DUS2: variants seen among roughly 807,000 people sequenced by gnomAD.
DUS2 encodes tRNA-dihydrouridine(20) synthase [NAD(P)+]-like.
Under a neutral mutation model 71.3 loss-of-function variants are expected in DUS2, and 52 were observed. The observed-to-expected ratio is 0.73, with a 90% CI of 0.58 to 0.92. The LOEUF (loss-of-function observed/expected upper bound fraction) is 0.92, where lower values mean the gene tolerates loss of function less well. DUS2 is among the 40% of genes least tolerant of loss of function. The pLI is 0.00. For synonymous variants in DUS2, 204 were observed against 227.8 expected, an observed-to-expected ratio of 0.90 and a Z score of 0.94; for missense variants, 558 against 622.6, an observed-to-expected ratio of 0.90 and a Z score of 1.10.
At chr16:68,033,264 A>G (rs935229403) in intron 2 of DUS2, among the ~76,000 whole-genome samples, 3 of 152,088 alleles carry the variant, frequency 2.0e-5, no homozygotes, top group Non-Finnish European at 4.4e-5. Flanking sequence ...CATGTAGTAA[A>G]GCATGTGGGT....
intron 2 of DUS2, among the ~76,000 whole-genome samples, chr16:68,030,903 A>G (rs1001713495): frequency 1.3e-5 from 2 of 151,792 alleles, no homozygotes; most frequent in Non-Finnish European, 2.9e-5. Context: ...CTGGCTAGTT[A>G]AAAAATATAT....
chr16:68,057,235 C>T (rs1278327463), intron 7 of DUS2, among the ~76,000 whole-genome samples: 1 of 142,214 alleles, frequency 7.0e-6, no homozygotes, highest in Non-Finnish European at 1.5e-5. Flanking sequence ...TGTATAGATA[C>T]ATATATATAT....
At chr16:68,038,279 G>A in intron 3 of DUS2, 130 bp downstream of exon 3, 1 of 1,315,494 alleles carries the variant, frequency 7.6e-7, no homozygotes, top group Non-Finnish European at 1.0e-6. Context: ...CCAAAGGCTG[G>A]AGGAGACAAA....
intron 7 of DUS2, among the ~76,000 whole-genome samples, chr16:68,056,743 A>G (rs1351462718): frequency 1.3e-5 from 2 of 150,274 alleles, no homozygotes; most frequent in African/African-American, 4.9e-5. Flanking sequence ...AGTGGTTTAT[A>G]CATATACACA....
At chr16:68,025,993 G>T (rs952303108) in intron 2 of DUS2, among the ~76,000 whole-genome samples, 7 of 152,106 alleles carry the variant, frequency 4.6e-5, no homozygotes, top group African/African-American at 1.7e-4. Flanking sequence ...TGATTTAATT[G>T]ATTTGGGTTA....
intron 3 of DUS2, among the ~76,000 whole-genome samples, chr16:68,042,139 A>G (rs1186809467): frequency 2.0e-5 from 3 of 152,158 alleles, no homozygotes; most frequent in Non-Finnish European, 4.4e-5. Context: ...TGACTGGCTT[A>G]TTTCCCTTAG....
rs1440490231 is a variant in DUS2, at chr16:68,056,426, T to C, written c.369+2T>C. On this transcript the variant is annotated splice_donor_variant, in intron 7 of 16. Coordinates refer to ENST00000565263, the MANE Select transcript of DUS2 (RefSeq NM_017803.5). LOFTEE classifies it high-confidence loss of function. ...TGTCCAAAACAATATTCCACCAAGG[T>C]AAACTGGTTTCTTTATACTCCTCAT... 5.0e-6 allele frequency: 8 copies of C among 1,612,334 alleles called. No individual in the cohort carries two copies. The highest frequency in any genetic ancestry group is 6.8e-6 in the Non-Finnish European group (8 of 1,178,764).
At chr16:68,053,422 T>C in intron 4 of DUS2, 142 bp from the exon 5 acceptor site, 3 of 714,912 alleles carry the variant, frequency 4.2e-6, no homozygotes, top group Non-Finnish European at 7.1e-6. Context: ...ATGTGCATAG[T>C]TATTTTTGGT....
chr16:68,034,423 G>C (rs1354934857), intron 2 of DUS2, among the ~76,000 whole-genome samples: 1 of 152,054 alleles, frequency 6.6e-6, no homozygotes, highest in Non-Finnish European at 1.5e-5. Flanking sequence ...TTGCTATGTT[G>C]GTCAGGCTGG....
At chr16:68,058,423 T>C (rs1220341138) in intron 7 of DUS2, among the ~76,000 whole-genome samples, 1 of 152,070 alleles carries the variant, frequency 6.6e-6, no homozygotes, top group African/African-American at 2.4e-5. Flanking sequence ...AGACGGGGTT[T>C]TGCCATGTTA....
intron 3 of DUS2, 76 bp downstream of exon 3, chr16:68,038,225 G>A: frequency 6.3e-7 from 1 of 1,578,004 alleles, no homozygotes; most frequent in Admixed American, 1.9e-5. Flanking sequence ...GGAGTGGTCA[G>A]GAGTTAGTGG....
intron 6 of DUS2, among the ~76,000 whole-genome samples, chr16:68,055,428 TG>T (rs1296885756): frequency 6.6e-6 from 1 of 152,084 alleles, no homozygotes; most frequent in African/African-American, 2.4e-5. Flanking sequence ...GACTCCAGCC[TG>T]GGGAACACAG....
At chr16:68,048,303 G>A (rs908053500) in intron 3 of DUS2, among the ~76,000 whole-genome samples, 3 of 152,148 alleles carry the variant, frequency 2.0e-5, no homozygotes, top group African/African-American at 7.2e-5. Flanking sequence ...CCAAAGCTCA[G>A]TTTGGCTACT....
intron 12 of DUS2, among the ~76,000 whole-genome samples, 160 bp downstream of exon 12, chr16:68,071,268 C>G (rs2301814): frequency 0.22 from 33,740 of 152,140 alleles, 4,115 homozygotes; most frequent in African/African-American, 0.31. Flanking sequence ...CTGCTTTATT[C>G]GGTCTCCCCA....
chr16:68,070,655 G>T (rs1219224522), intron 11 of DUS2, among the ~76,000 whole-genome samples: 1 of 152,238 alleles, frequency 6.6e-6, no homozygotes, highest in Admixed American at 6.5e-5. Flanking sequence ...CATGTCTCCA[G>T]ATGTGGGCTG....
rs763107049 is a variant in DUS2, at chr16:68,078,705, G to A, written c.1245-44G>A. The A allele has an allele frequency of 4.5e-6, 7 of 1,572,208 alleles. No homozygotes were observed. The East Asian group carries it at 1.4e-4, about 30-fold the overall frequency. ...AGGATGTGTAGAGTCAGGCCTCATA[G>A]CCCTGCACCCTGCCCCTCACCTTAT... On this transcript the variant is annotated intron_variant, in intron 16 of 16. Coordinates refer to ENST00000565263, the MANE Select transcript of DUS2 (RefSeq NM_017803.5).
At chr16:68,076,548 C>T (rs941989757) in intron 14 of DUS2, 84 bp from the exon 15 acceptor site, 1 of 1,029,778 alleles carries the variant, frequency 9.7e-7, no homozygotes, top group Non-Finnish European at 1.5e-6. Context: ...TTCTGCAGCT[C>T]CTTTCAGGAG....
intron 3 of DUS2, among the ~76,000 whole-genome samples, chr16:68,043,269 G>A (rs2033657651): frequency 6.6e-6 from 1 of 152,156 alleles, no homozygotes; most frequent in Non-Finnish European, 1.5e-5. Flanking sequence ...AGCCGGGTGT[G>A]GTGGTGCCCA....
intron 3 of DUS2, among the ~76,000 whole-genome samples, chr16:68,038,514 G>A (rs1396300634): frequency 6.6e-6 from 1 of 152,058 alleles, no homozygotes; most frequent in Non-Finnish European, 1.5e-5. Flanking sequence ...CAGATCACCT[G>A]AGGTCAGGAG....
Sources: gnomAD v4.1 joint callset for allele counts (sites outside exome capture counted in the v4.1 genomes callset) on GRCh38, gnomAD v4.1.1 for gene constraint, MANE v1.5 for transcripts, NCBI Gene and HGNC (gene_info 2026-07-23, HGNC 2026-07-21) for gene names.